Variants in TENM4 observed in about 807,000 individuals in gnomAD.
TENM4 encodes the protein teneurin-4.
In TENM4, 82 loss-of-function variants were observed where a neutral mutation model predicts 243.3. That is an observed-to-expected ratio of 0.34 (90% CI 0.28 to 0.40). The LOEUF is 0.40. Ranked by LOEUF, TENM4 falls within the 10% of genes least tolerant of loss-of-function variation. TENM4 has a pLI of 1.00. For missense variants in TENM4, 3,138 were observed against 3,673.3 expected, an observed-to-expected ratio of 0.85 and a Z score of 3.77; for synonymous variants, 1,412 against 1,456.3, an observed-to-expected ratio of 0.97 and a Z score of 0.69.
At position 79,057,923 on chromosome 11, in the gene TENM4, C is replaced by G. The variant is rs151336787; in HGVS notation, c.493+6815G>C. ...CTTTGCCTGTTACAGTCCTTTCCAG[C>G]CCTCAAAACCTAGGGGCCAGCACTT... On this transcript the variant is annotated intron_variant, in intron 6 of 33. Coordinates refer to ENST00000278550, the MANE Select transcript of TENM4 (RefSeq NM_001098816.3). 2.5e-3 allele frequency among the ~76,000 whole-genome samples: 374 copies of G among 152,288 alleles called. 1 individual carries two copies. Among genetic ancestry groups the G allele is most frequent in the African/African-American group, 8.6e-3 (357 of 41,562 alleles).
chr11:79,192,427 A>G (rs1395745689), intron 3 of TENM4, among the ~76,000 whole-genome samples: 2 of 152,160 alleles, frequency 1.3e-5, no homozygotes, highest in African/African-American at 2.4e-5. Context: ...TACTAAGAAA[A>G]ATTCTTCTGC....
intron 2 of TENM4, among the ~76,000 whole-genome samples, chr11:79,295,134 A>G (rs756883481): frequency 6.6e-6 from 1 of 152,136 alleles, no homozygotes; most frequent in Non-Finnish European, 1.5e-5. Context: ...CCCAGAGAGG[A>G]ACAAAAACGC....
rs1324134629 is a variant in TENM4, at chr11:78,656,862, T to TG, written c.*1195dup. On this transcript the variant is annotated 3_prime_UTR_variant, in exon 34 of 34. Transcript: ENST00000278550. ...CGATCAGCTGGTACATGGAGGCAGA[T>TG]GGGACTTTGGGAACTGGTTAGAAGG... is the stretch of plus-strand genomic sequence containing the variant. 7 of 396,214 alleles carry TG rather than the reference T, an allele frequency of 1.8e-5. No homozygotes were observed. The highest frequency in any genetic ancestry group is 3.1e-5 in the Non-Finnish European group (7 of 225,122). 24.5% of individuals were successfully genotyped at this position (396,214 alleles called of 1,614,324 possible). A position where few individuals can be genotyped will look rare whatever the true frequency, so the allele number is the denominator to read the frequency against.
At chr11:79,335,625 A>G (rs746472690) in intron 1 of TENM4, among the ~76,000 whole-genome samples, 1 of 152,184 alleles carries the variant, frequency 6.6e-6, no homozygotes, top group African/African-American at 2.4e-5. Flanking sequence ...GAGTGACTCT[A>G]TAAGCACTGA....
At chr11:78,743,858 C>A (rs1324730744) in intron 19 of TENM4, among the ~76,000 whole-genome samples, 1 of 152,194 alleles carries the variant, frequency 6.6e-6, no homozygotes, top group African/African-American at 2.4e-5. Flanking sequence ...TAAGTGAAAG[C>A]AGCTACTTTG....
At chr11:78,860,742 G>A (rs1391067941) in intron 10 of TENM4, among the ~76,000 whole-genome samples, 1 of 152,200 alleles carries the variant, frequency 6.6e-6, no homozygotes, top group Non-Finnish European at 1.5e-5. Context: ...CACAGTGATT[G>A]CTTCTGATGC....
chr11:78,850,501 A>G (rs1052675211), intron 12 of TENM4, among the ~76,000 whole-genome samples: 1 of 152,220 alleles, frequency 6.6e-6, no homozygotes, highest in Non-Finnish European at 1.5e-5. Flanking sequence ...GCCAAGACAA[A>G]TTACTACTCA....
intron 1 of TENM4, among the ~76,000 whole-genome samples, chr11:79,403,969 A>T (rs2135560347): frequency 6.6e-6 from 1 of 152,318 alleles, no homozygotes; most frequent in Non-Finnish European, 1.5e-5. Context: ...TCAGCATTTG[A>T]ACCCAGCTTC....
At chr11:79,259,469 C>A (rs2135320519) in intron 2 of TENM4, among the ~76,000 whole-genome samples, 1 of 152,214 alleles carries the variant, frequency 6.6e-6, no homozygotes, top group East Asian at 1.9e-4. Context: ...CTTCATCTAC[C>A]CAGCCATCTG....
At chr11:79,405,838 T>A (rs1858555287) in intron 1 of TENM4, among the ~76,000 whole-genome samples, 1 of 144,420 alleles carries the variant, frequency 6.9e-6, no homozygotes, top group African/African-American at 2.6e-5. Context: ...TCTGAATGCA[T>A]TGTGATTTCA....
chr11:79,301,860 T>G (rs517028), intron 1 of TENM4, among the ~76,000 whole-genome samples: 121,540 of 152,122 alleles, frequency 0.8, 48,903 homozygotes, highest in Middle Eastern at 0.9. Flanking sequence ...TTTCCGCCAT[T>G]ATGGTAAGTT....
At chr11:79,164,732 G>T (rs891542651) in intron 3 of TENM4, among the ~76,000 whole-genome samples, 1 of 151,452 alleles carries the variant, frequency 6.6e-6, no homozygotes, top group African/African-American at 2.4e-5. Context: ...CTATTCTCAT[G>T]ATAGTCAAAA....
intron 3 of TENM4, among the ~76,000 whole-genome samples, chr11:79,150,665 C>T (rs1278713630): frequency 1.3e-5 from 2 of 152,164 alleles, no homozygotes; most frequent in Non-Finnish European, 2.9e-5. Flanking sequence ...GGGTCATTTG[C>T]TAGCAGGGAC....
intron 6 of TENM4, among the ~76,000 whole-genome samples, chr11:79,050,643 T>G (rs1345824646): frequency 6.6e-6 from 1 of 152,222 alleles, no homozygotes; most frequent in Non-Finnish European, 1.5e-5. Context: ...ATACACTTAT[T>G]TCCTTTTTGG....
chr11:78,677,460 G>C (rs1317572103), intron 29 of TENM4, among the ~76,000 whole-genome samples: 2 of 151,878 alleles, frequency 1.3e-5, no homozygotes, highest in African/African-American at 4.8e-5. Flanking sequence ...TTCAATATTT[G>C]ACCAGGCAGG....
At chr11:79,336,228 C>T (rs1857146506) in intron 1 of TENM4, among the ~76,000 whole-genome samples, 1 of 152,030 alleles carries the variant, frequency 6.6e-6, no homozygotes, top group African/African-American at 2.4e-5. Context: ...TCCATAGAGC[C>T]CAAATCATGT....
At chr11:78,671,933 G>C (rs1590928704) in intron 31 of TENM4, 100 bp downstream of exon 31, 2 of 1,392,324 alleles carry the variant, frequency 1.4e-6, no homozygotes, top group East Asian at 4.9e-5. Context: ...TTGGTGACAT[G>C]GGTCAGATAC....
chr11:78,933,951 AG>A (rs975877759), intron 6 of TENM4, among the ~76,000 whole-genome samples: 1 of 152,140 alleles, frequency 6.6e-6, no homozygotes. Context: ...TCCTGGGGAA[AG>A]GGGGGGACAA....
At chr11:79,325,294 T>C (rs970064606) in intron 1 of TENM4, among the ~76,000 whole-genome samples, 1 of 152,188 alleles carries the variant, frequency 6.6e-6, no homozygotes, top group East Asian at 1.9e-4. Flanking sequence ...ATACATAGGC[T>C]ACCTTCATCC....
Sources: gnomAD v4.1 joint callset for allele counts (sites outside exome capture counted in the v4.1 genomes callset) on GRCh38, gnomAD v4.1.1 for gene constraint, MANE v1.5 for transcripts, NCBI Gene and HGNC (gene_info 2026-07-23, HGNC 2026-07-21) for gene names.